The following DHX35 variants were observed in gnomAD, a reference collection of about 807,000 sequenced individuals.
DHX35 encodes the protein DEAH-box helicase 35.
In DHX35, 84 loss-of-function variants were observed where a neutral mutation model predicts 99.6. That is an observed-to-expected ratio of 0.84 (90% CI 0.71 to 1.01). The LOEUF is 1.01. Among genes scored for constraint, DHX35 ranks in the 50% least tolerant of loss-of-function variants. The pLI is 0.00. For synonymous variants in DHX35, 331 were observed against 316.2 expected, an observed-to-expected ratio of 1.05 and a Z score of -0.50; for missense variants, 852 against 888.5, an observed-to-expected ratio of 0.96 and a Z score of 0.52.
At chr20:39,008,812 C>A (rs140599076) in intron 12 of DHX35, among the ~76,000 whole-genome samples, 1 of 152,212 alleles carries the variant, frequency 6.6e-6, no homozygotes, top group Admixed American at 6.5e-5. Context: ...TTCCTCTTTG[C>A]CCAACAGATC....
intron 2 of DHX35, among the ~76,000 whole-genome samples, chr20:38,971,971 GTCTATAATT>G (rs2086003389): frequency 7.2e-6 from 1 of 138,986 alleles, no homozygotes; most frequent in African/African-American, 2.7e-5. Flanking sequence ...GTAGCAGTAT[GTCTATAATT>G]TCTTGTTTTT....
At chr20:38,978,397 A>G (rs1336753335) in intron 3 of DHX35, 3 of 684,238 alleles carry the variant, frequency 4.4e-6, no homozygotes, top group Non-Finnish European at 5.4e-6. Flanking sequence ...CACAGGGCTC[A>G]TGTCCGTGTC....
chr20:39,013,222 A>G (rs2086731122), intron 13 of DHX35, among the ~76,000 whole-genome samples: 2 of 152,356 alleles, frequency 1.3e-5, no homozygotes, highest in East Asian at 1.9e-4. Flanking sequence ...CAGAGTACAT[A>G]TAATTTTGTA....
At chr20:39,015,542 A>T (rs2086771516) in intron 14 of DHX35, among the ~76,000 whole-genome samples, 1 of 152,198 alleles carries the variant, frequency 6.6e-6, no homozygotes, top group Non-Finnish European at 1.5e-5. Context: ...CATAGTCTGA[A>T]TTCACCGCTT....
Position 39,018,859 on chromosome 20 carries a change from T to C in DHX35, c.1458T>C (p.Phe486=). ...TEPLGMRIAE[F]PLNPMFAKML... is the part of the protein sequence containing the mutation. ...CGCTTGGCATGAGAATTGCAGAGTT[T>C]CCTTTGAATCCCATGTTTGCCAAAA... Residue 486 remains phenylalanine (F), a synonymous_variant, in exon 15 of 22, where the codon TTT becomes TTC. Transcript: ENST00000252011. 6.2e-7 allele frequency: 1 copy of C among 1,614,128 alleles called. No homozygotes were observed. Among genetic ancestry groups the C allele is most frequent in the Non-Finnish European group, 8.5e-7 (1 of 1,180,002 alleles).
chr20:39,036,571 C>A (rs1455357509), intron 21 of DHX35, among the ~76,000 whole-genome samples: 1 of 151,486 alleles, frequency 6.6e-6, no homozygotes, highest in African/African-American at 2.4e-5. Context: ...ACTAAAAATA[C>A]AAAAATTAGC....
intron 2 of DHX35, among the ~76,000 whole-genome samples, chr20:38,971,783 A>G (rs1255798746): frequency 6.6e-6 from 1 of 152,128 alleles, no homozygotes; most frequent in African/African-American, 2.4e-5. Flanking sequence ...ATTCCATATC[A>G]GTACAAGTAG....
At chr20:38,977,570 AG>A (rs2086100946) in intron 3 of DHX35, 1 of 281,848 alleles carries the variant, frequency 3.5e-6, no homozygotes, top group African/African-American at 2.3e-5. Flanking sequence ...AACCAAGCAA[AG>A]GGTGGAGTTC....
chr20:39,021,795 T>G (rs374739697), intron 15 of DHX35, 46 bp from the exon 16 acceptor site: 1 of 1,575,570 alleles, frequency 6.3e-7, no homozygotes, highest in Non-Finnish European at 8.7e-7. Flanking sequence ...TCACTTCTTG[T>G]TGGCACATTA....
At chr20:39,010,577 A>C (rs932513357) in intron 13 of DHX35, among the ~76,000 whole-genome samples, 173 bp downstream of exon 13, 2 of 152,206 alleles carry the variant, frequency 1.3e-5, no homozygotes, top group East Asian at 3.8e-4. Context: ...ACAGCCAGAC[A>C]AGGTAGCCTC....
intron 3 of DHX35, among the ~76,000 whole-genome samples, chr20:38,981,551 G>T (rs930412015): frequency 6.6e-6 from 1 of 151,790 alleles, no homozygotes; most frequent in Non-Finnish European, 1.5e-5. Flanking sequence ...TTTTTTGACC[G>T]CTTCCTTACT....
At chr20:39,014,402 G>A (rs990105536) in intron 13 of DHX35, among the ~76,000 whole-genome samples, 1 of 152,230 alleles carries the variant, frequency 6.6e-6, no homozygotes, top group East Asian at 1.9e-4. Flanking sequence ...TTCCAGACAG[G>A]GATTAAGAAA....
At chr20:39,021,599 A>G (rs1274649773) in intron 15 of DHX35, among the ~76,000 whole-genome samples, 1 of 152,134 alleles carries the variant, frequency 6.6e-6, no homozygotes, top group Non-Finnish European at 1.5e-5. Context: ...AGCTTTAAGC[A>G]ATCCTCCTGA....
intron 3 of DHX35, among the ~76,000 whole-genome samples, chr20:38,975,559 G>C (rs2086063574): frequency 6.6e-6 from 1 of 152,156 alleles, no homozygotes; most frequent in African/African-American, 2.4e-5. Context: ...ATAGAACAGA[G>C]GTAAAAGACC....
intron 13 of DHX35, 76 bp from the exon 14 acceptor site, chr20:39,014,804 T>C (rs2086756481): frequency 1.3e-6 from 2 of 1,574,924 alleles, no homozygotes; most frequent in African/African-American, 2.7e-5. Context: ...AGAATGGATT[T>C]GAAAAGGAAA....
At chr20:39,005,054 CTT>C (rs73622054) in intron 11 of DHX35, among the ~76,000 whole-genome samples, 51,248 of 151,862 alleles carry the variant, frequency 0.34, 8,734 homozygotes, top group Middle Eastern at 0.52. Context: ...ATAATAATAA[CTT>C]TCAGATAGGT....
At chr20:39,002,908 G>A (rs2086545043) in intron 10 of DHX35, 40 bp downstream of exon 10, 3 of 1,533,126 alleles carry the variant, frequency 2.0e-6, no homozygotes, top group Non-Finnish European at 2.7e-6. Context: ...GACATGTTAA[G>A]ACAGCACCAA....
intron 10 of DHX35, 29 bp downstream of exon 10, chr20:39,002,897 A>G (rs1234786628): frequency 1.3e-6 from 2 of 1,550,858 alleles, no homozygotes; most frequent in Non-Finnish European, 1.8e-6. Context: ...TCTGATGAAT[A>G]GACATGTTAA....
intron 12 of DHX35, among the ~76,000 whole-genome samples, chr20:39,006,597 C>G (rs2086622902): frequency 6.6e-6 from 1 of 152,202 alleles, no homozygotes; most frequent in Non-Finnish European, 1.5e-5. Flanking sequence ...CTGTTCTAAC[C>G]TAACATCTGG....
Sources: gnomAD v4.1 joint callset for allele counts (sites outside exome capture counted in the v4.1 genomes callset) on GRCh38, gnomAD v4.1.1 for gene constraint, MANE v1.5 for transcripts, NCBI Gene and HGNC (gene_info 2026-07-23, HGNC 2026-07-21) for gene names.